Variants in GUCY1A2 observed in about 807,000 individuals in gnomAD.
GUCY1A2 encodes the protein guanylate cyclase soluble subunit alpha-2.
Under a neutral mutation model 63.5 loss-of-function variants are expected in GUCY1A2, and 27 were observed. That is an observed-to-expected ratio of 0.43 (90% CI 0.31 to 0.59). The LOEUF (loss-of-function observed/expected upper bound fraction) is 0.59, where lower values mean the gene tolerates loss of function less well. Ranked by LOEUF, GUCY1A2 falls within the 20% of genes least tolerant of loss-of-function variation. GUCY1A2 has a pLI of 0.11. For missense variants in GUCY1A2, 768 were observed against 913.3 expected, an observed-to-expected ratio of 0.84 and a Z score of 2.05; for synonymous variants, 364 against 343.5, an observed-to-expected ratio of 1.06 and a Z score of -0.66.
At chr11:106,927,581 T>TC (rs1860543743) in intron 4 of GUCY1A2, among the ~76,000 whole-genome samples, 1 of 151,836 alleles carries the variant, frequency 6.6e-6, no homozygotes, top group Admixed American at 6.6e-5. Flanking sequence ...TCTTTTTTTT[T>TC]TGAGTCAGAG....
At chr11:106,989,432 G>T (rs746816062) in intron 1 of GUCY1A2, among the ~76,000 whole-genome samples, 1 of 151,738 alleles carries the variant, frequency 6.6e-6, no homozygotes, top group Non-Finnish European at 1.5e-5. Context: ...GAATGTGCAG[G>T]TTTGTTACAT....
chr11:106,708,040 TA>T (rs1862947501), intron 7 of GUCY1A2, among the ~76,000 whole-genome samples: 1 of 151,980 alleles, frequency 6.6e-6, no homozygotes, highest in Non-Finnish European at 1.5e-5. Flanking sequence ...TTTCAAACCG[TA>T]AAACACTTGT....
chr11:107,011,196 G>A (rs758386863), intron 1 of GUCY1A2, among the ~76,000 whole-genome samples: 5 of 152,174 alleles, frequency 3.3e-5, no homozygotes, highest in African/African-American at 4.8e-5. Context: ...ATATTCTCCC[G>A]GCCTATGTGC....
chr11:106,975,139 T>C (rs951702855), intron 3 of GUCY1A2, among the ~76,000 whole-genome samples: 2 of 152,160 alleles, frequency 1.3e-5, no homozygotes, highest in African/African-American at 4.8e-5. Flanking sequence ...TAACTTATTA[T>C]GACAAAGGAG....
At chr11:106,831,438 G>A (rs946865842) in intron 4 of GUCY1A2, among the ~76,000 whole-genome samples, 12 of 152,160 alleles carry the variant, frequency 7.9e-5, no homozygotes, top group African/African-American at 2.7e-4. Context: ...GTAAAGGAAA[G>A]TTCAAAGGCC....
intron 4 of GUCY1A2, among the ~76,000 whole-genome samples, chr11:106,884,022 C>T (rs1022624656): frequency 6.6e-6 from 1 of 152,066 alleles, no homozygotes; most frequent in African/African-American, 2.4e-5. Context: ...GGGAACATCA[C>T]ACACCAGGGC....
intron 4 of GUCY1A2, among the ~76,000 whole-genome samples, chr11:106,852,951 A>C (rs1424832233): frequency 6.6e-6 from 1 of 152,106 alleles, no homozygotes; most frequent in South Asian, 2.1e-4. Flanking sequence ...TCCTTTCAGC[A>C]CTTGGAATAG....
intron 2 of GUCY1A2, among the ~76,000 whole-genome samples, chr11:106,980,595 C>G (rs1443502162): frequency 2.0e-5 from 3 of 152,158 alleles, no homozygotes; most frequent in Non-Finnish European, 4.4e-5. Flanking sequence ...ACATTAGAGT[C>G]AGACTAGATA....
At chr11:106,767,661 T>G (rs554273511) in intron 6 of GUCY1A2, among the ~76,000 whole-genome samples, 4 of 152,252 alleles carry the variant, frequency 2.6e-5, no homozygotes, top group African/African-American at 9.6e-5. Context: ...AATATTGTGT[T>G]TTAAATCATT....
chr11:106,915,164 A>G (rs1386072062), intron 4 of GUCY1A2, among the ~76,000 whole-genome samples: 1 of 152,138 alleles, frequency 6.6e-6, no homozygotes, highest in Non-Finnish European at 1.5e-5. Context: ...TGAAGAAAGA[A>G]AGAGAGTTGG....
chr11:106,745,874 C>A (rs1318120621), intron 6 of GUCY1A2, among the ~76,000 whole-genome samples: 3 of 152,194 alleles, frequency 2.0e-5, no homozygotes, highest in Non-Finnish European at 4.4e-5. Context: ...CCCAGCAAAT[C>A]TGTGCTATCT....
chr11:106,935,822 G>A (rs1320583927), intron 4 of GUCY1A2, among the ~76,000 whole-genome samples: 1 of 150,444 alleles, frequency 6.6e-6, no homozygotes, highest in African/African-American at 2.5e-5. Context: ...ACTCCAGCCT[G>A]GGTGAGACAC....
intron 4 of GUCY1A2, among the ~76,000 whole-genome samples, chr11:106,901,850 T>C (rs1466416591): frequency 6.6e-6 from 1 of 152,152 alleles, no homozygotes; most frequent in Non-Finnish European, 1.5e-5. Context: ...TATTCCATGG[T>C]GTATATGTGC....
At chr11:106,916,180 T>G (rs763898268) in intron 4 of GUCY1A2, among the ~76,000 whole-genome samples, 1 of 145,766 alleles carries the variant, frequency 6.9e-6, no homozygotes, top group South Asian at 2.4e-4. Context: ...AAGCATAAAG[T>G]ACTTTTTGGT....
intron 7 of GUCY1A2, among the ~76,000 whole-genome samples, chr11:106,704,032 T>C (rs963980148): frequency 1.3e-5 from 2 of 152,110 alleles, no homozygotes; most frequent in South Asian, 2.1e-4. Context: ...TAAGGGACTT[T>C]TGTTAATAAA....
chr11:106,903,315 T>A (rs1351962916), intron 4 of GUCY1A2, among the ~76,000 whole-genome samples: 1 of 152,210 alleles, frequency 6.6e-6, no homozygotes. Context: ...TCAGTTCAAC[T>A]GTATTGCCTC....
chr11:106,851,126 T>C (rs987486469), intron 4 of GUCY1A2, among the ~76,000 whole-genome samples: 1 of 151,996 alleles, frequency 6.6e-6, no homozygotes, highest in African/African-American at 2.4e-5. Flanking sequence ...TTCTTGGCCA[T>C]TTGTATGTCT....
chr11:106,819,930 T>C (rs910168311), intron 4 of GUCY1A2, among the ~76,000 whole-genome samples: 5 of 152,170 alleles, frequency 3.3e-5, no homozygotes, highest in Non-Finnish European at 7.4e-5. Flanking sequence ...ATTTGAAGTA[T>C]AAAATTCAAA....
chr11:106,912,897 T>C (rs1379935244), intron 4 of GUCY1A2, among the ~76,000 whole-genome samples: 1 of 152,130 alleles, frequency 6.6e-6, no homozygotes, highest in African/African-American at 2.4e-5. Flanking sequence ...AGGAGTTTGA[T>C]CTGCCTGCTT....
Sources: gnomAD v4.1 joint callset for allele counts (sites outside exome capture counted in the v4.1 genomes callset) on GRCh38, gnomAD v4.1.1 for gene constraint, MANE v1.5 for transcripts, NCBI Gene and HGNC (gene_info 2026-07-23, HGNC 2026-07-21) for gene names.